NMNAT2: variants seen among roughly 807,000 people sequenced by gnomAD.
The protein encoded by NMNAT2 is nicotinamide/nicotinic acid mononucleotide adenylyltransferase 2.
In NMNAT2, 11 loss-of-function variants were observed where a neutral mutation model predicts 41.6. The observed-to-expected ratio is 0.26, with a 90% CI of 0.17 to 0.44. The LOEUF (loss-of-function observed/expected upper bound fraction) is 0.44. Ranked by LOEUF, NMNAT2 falls within the 20% of genes least tolerant of loss-of-function variation. NMNAT2 has a pLI of 1.00. For missense variants in NMNAT2, 288 were observed against 407.7 expected (o/e 0.71, Z 2.53); for synonymous variants, 148 against 151.2 (o/e 0.98, Z 0.16).
chr1:183,264,538 T>C (rs1660753957), intron 8 of NMNAT2, among the ~76,000 whole-genome samples: 1 of 152,186 alleles, frequency 6.6e-6, no homozygotes, highest in Admixed American at 6.5e-5. Flanking sequence ...AGATACTCTC[T>C]GCTCCTTTGG....
rs143720841 is a variant in NMNAT2 at position 183,335,844 on chromosome 1, A to G, written c.86-42051T>C. ...AAGTCTAACCAGTGCTTGACACATT[A>G]CAGGCACCCATCAATGTTTGTTGGA... is the stretch of plus-strand genomic sequence containing the variant. On this transcript the variant is annotated intron_variant, in intron 1 of 10. Transcript: ENST00000287713. 4.5e-4 allele frequency among the ~76,000 whole-genome samples: 69 copies of G among 152,376 alleles called. 1 individual carries two copies. The East Asian group carries it at 0.013, about 28-fold the overall frequency.
intron 1 of NMNAT2, among the ~76,000 whole-genome samples, chr1:183,412,941 T>C (rs1258831228): frequency 2.0e-5 from 3 of 152,206 alleles, no homozygotes; most frequent in African/African-American, 7.2e-5. Context: ...GAATGCTATT[T>C]AGCTGCCATC....
intron 1 of NMNAT2, among the ~76,000 whole-genome samples, chr1:183,376,419 A>G (rs1416081415): frequency 6.6e-6 from 1 of 152,184 alleles, no homozygotes; most frequent in Non-Finnish European, 1.5e-5. Flanking sequence ...GTCTATAAGT[A>G]AGCATCCATT....
intron 8 of NMNAT2, among the ~76,000 whole-genome samples, chr1:183,277,932 A>G (rs1661162767): frequency 6.6e-6 from 1 of 152,236 alleles, no homozygotes; most frequent in Non-Finnish European, 1.5e-5. Context: ...TACCAGATGA[A>G]TGAATTAATG....
At chr1:183,346,379 A>G (rs573466126) in intron 1 of NMNAT2, among the ~76,000 whole-genome samples, 2 of 152,116 alleles carry the variant, frequency 1.3e-5, no homozygotes, top group South Asian at 2.1e-4. Flanking sequence ...GTGACCCACA[A>G]CCTCCGTATC....
intron 8 of NMNAT2, among the ~76,000 whole-genome samples, chr1:183,262,104 A>AT (rs955303415): frequency 1.3e-5 from 2 of 151,384 alleles, no homozygotes; most frequent in Non-Finnish European, 2.9e-5. Flanking sequence ...TTTTTTAATT[A>AT]TTTTTTTGAA....
chr1:183,321,773 T>C (rs923220656), intron 1 of NMNAT2, among the ~76,000 whole-genome samples: 1 of 151,886 alleles, frequency 6.6e-6, no homozygotes, highest in Non-Finnish European at 1.5e-5. Context: ...GAAACAAATA[T>C]GTTACTTAAT....
chr1:183,273,309 CT>C (rs1661031308), intron 8 of NMNAT2, among the ~76,000 whole-genome samples: 1 of 152,196 alleles, frequency 6.6e-6, no homozygotes, highest in South Asian at 2.1e-4. Flanking sequence ...TGAAGTTATT[CT>C]TTTAACAGCA....
chr1:183,391,686 C>A (rs1280854438), intron 1 of NMNAT2, among the ~76,000 whole-genome samples: 1 of 152,192 alleles, frequency 6.6e-6, no homozygotes, highest in Non-Finnish European at 1.5e-5. Flanking sequence ...TCACTCCAGT[C>A]CAGCTTCTGC....
At chr1:183,345,388 T>C (rs761686026) in intron 1 of NMNAT2, among the ~76,000 whole-genome samples, 1 of 152,128 alleles carries the variant, frequency 6.6e-6, no homozygotes, top group African/African-American at 2.4e-5. Context: ...TATTGAGAGG[T>C]GAAGCCTTTA....
At position 183,365,082 on chromosome 1, in the gene NMNAT2, C is replaced by G. The variant is rs188454902; in HGVS notation, c.85+53101G>C. ...ATCAAACCAGTGTGTTCTGAAGATT[C>G]CTTATAGTTCTGACAGCCTATGAAT... is the stretch of plus-strand genomic sequence containing the variant. On this transcript the variant is annotated intron_variant, in intron 1 of 10. Transcript: ENST00000287713. 3.9e-4 allele frequency among the ~76,000 whole-genome samples: 59 copies of G among 152,222 alleles called. 2 individuals carry two copies. In the East Asian group the frequency reaches 0.011, roughly 27 times the overall value.
At position 183,284,732 on chromosome 1, in the gene NMNAT2, C is replaced by T. The variant is rs200074277; in HGVS notation, c.507G>A (p.Pro169=). The T allele has an allele frequency of 8.7e-5, 140 of 1,613,898 alleles. No homozygotes were observed. Among genetic ancestry groups the T allele is most frequent in the Non-Finnish European group, 1.1e-4 (125 of 1,179,970 alleles). Residue 169 remains proline, a synonymous_variant, in exon 6 of 11, where the codon CCG becomes CCA. Coordinates refer to ENST00000287713, the MANE Select transcript of NMNAT2 (RefSeq NM_015039.4). Reference sequence around the variant, plus strand: ...CACCTACAAAGGTGAAACGCTCCACCGGCGGGCGGACACAGCAGATCCGGC... The same window carrying T: ...CACCTACAAAGGTGAAACGCTCCACTGGCGGGCGGACACAGCAGATCCGGC... ...SLSRICCVRP[P]VERFTFVDEN...
chr1:183,327,363 T>C (rs1343201885), intron 1 of NMNAT2, among the ~76,000 whole-genome samples: 1 of 152,132 alleles, frequency 6.6e-6, no homozygotes, highest in Non-Finnish European at 1.5e-5. Context: ...GCCCTAATTA[T>C]ACATTTTTTA....
intron 1 of NMNAT2, among the ~76,000 whole-genome samples, chr1:183,412,826 C>T (rs1181719683): frequency 1.3e-5 from 2 of 152,158 alleles, no homozygotes; most frequent in Admixed American, 6.5e-5. Flanking sequence ...AGGGAATATG[C>T]TTTACTATCT....
intron 1 of NMNAT2, among the ~76,000 whole-genome samples, chr1:183,369,564 A>G (rs1287474414): frequency 6.6e-6 from 1 of 152,116 alleles, no homozygotes; most frequent in African/African-American, 2.4e-5. Context: ...GTCATGAGCT[A>G]CCGCACCCAG....
intron 1 of NMNAT2, among the ~76,000 whole-genome samples, chr1:183,300,082 G>A (rs1196052264): frequency 6.6e-6 from 1 of 152,110 alleles, no homozygotes; most frequent in Non-Finnish European, 1.5e-5. Context: ...GAGCCCATTT[G>A]CCCTTCCTCC....
intron 1 of NMNAT2, among the ~76,000 whole-genome samples, chr1:183,360,716 C>T (rs1375649756): frequency 6.6e-6 from 1 of 152,178 alleles, no homozygotes; most frequent in Non-Finnish European, 1.5e-5. Flanking sequence ...GGCAGTGTGC[C>T]TCTCACTGCA....
rs147362560 is a variant in NMNAT2 at position 183,364,205 on chromosome 1, G to A, written c.85+53978C>T. Among the ~76,000 whole-genome samples the A allele has an allele frequency of 3.8e-4, 58 of 152,364 alleles. 2 individuals carry two copies. The East Asian group carries it at 0.01, about 27-fold the overall frequency. On this transcript the variant is annotated intron_variant, in intron 1 of 10. Coordinates refer to ENST00000287713, the MANE Select transcript of NMNAT2 (RefSeq NM_015039.4). The stretch of plus-strand genomic sequence containing the variant: ...GCTATGTACTAGGAACACGAAAGGG[G>A]ATATGACACAGTCTGTGCCTTCAGA...
chr1:183,304,787 A>G (rs373990853), intron 1 of NMNAT2: 10 of 1,612,604 alleles, frequency 6.2e-6, no homozygotes, highest in African/African-American at 1.3e-5. Flanking sequence ...TGTGCTGGCC[A>G]TCAGAGAGTA....
Sources: gnomAD v4.1 joint callset for allele counts (sites outside exome capture counted in the v4.1 genomes callset) on GRCh38, gnomAD v4.1.1 for gene constraint, MANE v1.5 for transcripts, NCBI Gene and HGNC (gene_info 2026-07-23, HGNC 2026-07-21) for gene names.